The following PURG variants were observed in gnomAD, a reference collection of about 807,000 sequenced individuals.
The protein encoded by PURG is purine-rich element-binding protein gamma.
In PURG, 3 loss-of-function variants were observed where a neutral mutation model predicts 24.3. The observed-to-expected ratio is 0.12, with a 90% CI of 0.06 to 0.32. The LOEUF is 0.32. Ranked by LOEUF, PURG falls within the 10% of genes least tolerant of loss-of-function variation. The pLI is 1.00. For synonymous variants in PURG, 180 were observed against 173.1 expected, an observed-to-expected ratio of 1.04 and a Z score of -0.31; for missense variants, 371 against 439.1, an observed-to-expected ratio of 0.84 and a Z score of 1.39.
At chr8:31,004,672 CA>C (rs895553434) in intron 1 of PURG, among the ~76,000 whole-genome samples, 1 of 148,594 alleles carries the variant, frequency 6.7e-6, no homozygotes, top group Admixed American at 6.7e-5. Context: ...GACTCTGTCT[CA>C]AAAAAAAACA....
At chr8:31,014,767 T>C (rs935186986) in intron 1 of PURG, among the ~76,000 whole-genome samples, 1 of 152,148 alleles carries the variant, frequency 6.6e-6, no homozygotes, top group Non-Finnish European at 1.5e-5. Context: ...GCCAAGGAAA[T>C]TCTAGGATTT....
chr8:31,032,102 T>C lies in PURG; in HGVS notation c.681A>G (p.Gln227=). Reference sequence around the variant, plus strand: ...AGGCATCACGAAACTCAATCATTCCTTGTGCTGGGAGGACAATAGTCTGTT... The same window carrying C: ...AGGCATCACGAAACTCAATCATTCCCTGTGCTGGGAGGACAATAGTCTGTT... ...GQEQTIVLPA[Q]GMIEFRDALV... is the part of the protein sequence containing the mutation. Residue 227 remains glutamine, a synonymous_variant, in exon 2 of 2, where the codon CAA becomes CAG. Transcript: ENST00000523392. The surrounding 1 kb of genome is among the most constrained non-coding windows in gnomAD (Gnocchi z 5.9). 6.2e-6 allele frequency: 10 copies of C among 1,614,216 alleles called. No individual in the cohort carries two copies. Among genetic ancestry groups the C allele is most frequent in the Non-Finnish European group, 7.6e-6 (9 of 1,180,036 alleles).
intron 1 of PURG, among the ~76,000 whole-genome samples, chr8:31,023,807 A>G (rs946171659): frequency 1.9e-4 from 29 of 152,160 alleles, no homozygotes; most frequent in African/African-American, 7.0e-4. Flanking sequence ...AGGATATTGG[A>G]CAGGATCAAC....
At chr8:31,027,707 T>G (rs144459061), downstream of PURG, among the ~76,000 whole-genome samples, 4 of 151,872 alleles carry the variant, frequency 2.6e-5, no homozygotes, top group East Asian at 7.7e-4. Flanking sequence ...ATGAACTCAG[T>G]AAATATAGCA....
chr8:31,029,512 CTG>C (rs1211958552), downstream of PURG, among the ~76,000 whole-genome samples: 3 of 151,302 alleles, frequency 2.0e-5, no homozygotes, highest in African/African-American at 7.3e-5. Context: ...ATACATATGT[CTG>C]TGTGTATATA....
At chr8:31,024,724 G>A (rs1465850189) in intron 1 of PURG, among the ~76,000 whole-genome samples, 1 of 151,820 alleles carries the variant, frequency 6.6e-6, no homozygotes, top group African/African-American at 2.4e-5. Flanking sequence ...GAATATAAAA[G>A]TTTCTGATAA....
intron 1 of PURG, among the ~76,000 whole-genome samples, chr8:31,014,416 A>G (rs757810373): frequency 1.8e-4 from 28 of 152,244 alleles, no homozygotes; most frequent in Admixed American, 9.8e-4. Flanking sequence ...AAAAATTTTA[A>G]TAACAGAGGA....
chr8:31,005,892 A>C (rs1161926700), intron 1 of PURG, among the ~76,000 whole-genome samples: 1 of 151,708 alleles, frequency 6.6e-6, no homozygotes, highest in Non-Finnish European at 1.5e-5. Context: ...ATCAGGGGCT[A>C]CTAGTGGAGC....
At chr8:31,006,486 C>T (rs1300859061) in intron 1 of PURG, among the ~76,000 whole-genome samples, 1 of 151,798 alleles carries the variant, frequency 6.6e-6, no homozygotes, top group African/African-American at 2.4e-5. Flanking sequence ...CCCGGCTACT[C>T]GGGAGACTGA....
At chr8:31,003,789 A>T (rs528999955) in intron 1 of PURG, among the ~76,000 whole-genome samples, 1 of 152,160 alleles carries the variant, frequency 6.6e-6, no homozygotes, top group East Asian at 1.9e-4. Context: ...CAAAAAAACA[A>T]AAAAAACACC....
At position 31,031,042 on chromosome 8, in the gene PURG, T is replaced by C. The variant is rs1811189897; in HGVS notation, c.*697A>G. Reference sequence around the variant, plus strand: ...ACATTAAGTAGAGGTAAAGAAGGGATTGTAACTAAACTTAGAATAACGAAT... The same window carrying C: ...ACATTAAGTAGAGGTAAAGAAGGGACTGTAACTAAACTTAGAATAACGAAT... On this transcript the variant is annotated 3_prime_UTR_variant, in exon 2 of 2. Transcript: ENST00000523392. 6.6e-6 allele frequency: 1 copy of C among 152,540 alleles called. No homozygotes were observed. Among genetic ancestry groups the C allele is most frequent in the South Asian group, 2.1e-4 (1 of 4,830 alleles). The allele number at this position is 152,540 out of a possible 1,614,324, so 9.4% of individuals were successfully genotyped here.
chr8:31,026,256 T>C (rs751814719), downstream of PURG, among the ~76,000 whole-genome samples: 1 of 151,796 alleles, frequency 6.6e-6, no homozygotes, highest in South Asian at 2.1e-4. Context: ...CGGTTTAAGA[T>C]AACACTTGGT....
intron 1 of PURG, among the ~76,000 whole-genome samples, chr8:31,005,367 G>A (rs1332642002): frequency 6.6e-6 from 1 of 151,708 alleles, no homozygotes; most frequent in Non-Finnish European, 1.5e-5. Flanking sequence ...TGGGAGGTGG[G>A]GGTTGCAGCG....
At chr8:31,021,704 T>C (rs1421381759) in intron 1 of PURG, among the ~76,000 whole-genome samples, 1 of 152,188 alleles carries the variant, frequency 6.6e-6, no homozygotes, top group Non-Finnish European at 1.5e-5. Context: ...GGCTTTGGTG[T>C]AAATTTGGGT....
rs1267862430 is a variant in PURG at position 31,011,982 on chromosome 8, A to T, written c.865-15285T>A. ...GCATTTTTGGTTAGGTTTTAAAACT[A>T]TCGCTTTCATTAACAATTGTCGCCA... is the stretch of plus-strand genomic sequence containing the variant. On this transcript the variant is annotated intron_variant, in intron 1 of 1. Coordinates refer to the PURG transcript ENST00000339382. 2.0e-5 allele frequency among the ~76,000 whole-genome samples: 3 copies of T among 152,216 alleles called. No individual in the cohort carries two copies. In the East Asian group the frequency reaches 5.8e-4, roughly 29 times the overall value.
rs150147111 is a variant in PURG, at chr8:31,006,377, A to C, written c.865-9680T>G. Among the ~76,000 whole-genome samples, 420 of 152,230 alleles carry C rather than the reference A, an allele frequency of 2.8e-3. 2 individuals are homozygous for C. The highest frequency in any genetic ancestry group is 9.5e-3 in the African/African-American group (393 of 41,540). On this transcript the variant is annotated intron_variant, in intron 1 of 1. Transcript: ENST00000339382. ...TGAGAGGGCGAGGAGGGTGGATCAC[A>C]AGGTCAGGAGATTGAGACGAGCCAT...
chr8:31,005,788 T>C (rs1810635540), intron 1 of PURG, among the ~76,000 whole-genome samples: 1 of 139,720 alleles, frequency 7.2e-6, no homozygotes, highest in African/African-American at 2.7e-5. Flanking sequence ...TTTTTTTTCA[T>C]TTCAAAACTT....
rs1212753205 is a variant in PURG at position 31,032,278 on chromosome 8, T to C, written c.505A>G (p.Ser169Gly). 1.2e-6 allele frequency: 2 copies of C among 1,613,686 alleles called. No homozygotes were observed. Among genetic ancestry groups the C allele is most frequent in the East Asian group, 2.2e-5 (1 of 44,872 alleles). ...VSVGSEEHPH[S>G]VLKTDYIERD... ...TCGATATAGTCTGTTTTCAGGACAC[T>C]GTGAGGATGCTCTTCGGACCCCACC... The change falls in exon 2 of 2, where the codon AGT becomes GGT. Residue 169 changes from serine (S) to glycine (G), a missense_variant. By Grantham distance (56) the Ser-to-Gly change is moderately conservative (BLOSUM62 0). This residue lies in a region of PURG where 213 missense variants were observed against 230.6 expected (regional missense o/e 0.92). Coordinates refer to ENST00000523392, the MANE Select transcript of PURG (RefSeq NM_001323311.2). This position sits in a 1 kb window ranked among gnomAD's most constrained non-coding sequence, Gnocchi z 5.9.
chr8:31,015,492 A>G (rs529928620), intron 1 of PURG, among the ~76,000 whole-genome samples: 1 of 152,256 alleles, frequency 6.6e-6, no homozygotes, highest in Non-Finnish European at 1.5e-5. Context: ...AGAGGTTGAG[A>G]AATGTCATTT....
Sources: gnomAD v4.1 joint callset for allele counts (sites outside exome capture counted in the v4.1 genomes callset) on GRCh38, gnomAD v4.1.1 for gene constraint, gnomAD v4.1.1 regional missense constraint, Gnocchi (gnomAD v3.1) non-coding constraint, MANE v1.5 for transcripts, NCBI Gene and HGNC (gene_info 2026-07-23, HGNC 2026-07-21) for gene names.